DOCK5: variants seen among roughly 807,000 people sequenced by gnomAD.
DOCK5 encodes dedicator of cytokinesis 5.
DOCK5 carries 142 observed loss-of-function variants against 251.8 expected under a neutral mutation model. The ratio of observed to expected loss-of-function variants is 0.56; its 90% confidence interval spans 0.49 to 0.65. The LOEUF (loss-of-function observed/expected upper bound fraction) is 0.65, where lower values mean the gene tolerates loss of function less well. DOCK5 is among the 30% of genes least tolerant of loss of function. The pLI is 0.00. For missense variants in DOCK5, 2,111 were observed against 2,312.3 expected (o/e 0.91, Z 1.79); for synonymous variants, 842 against 835.5 (o/e 1.01, Z -0.13).
chr8:25,254,883 A>G (rs1803379326), intron 2 of DOCK5, among the ~76,000 whole-genome samples: 1 of 151,950 alleles, frequency 6.6e-6, no homozygotes, highest in African/African-American at 2.4e-5. Flanking sequence ...CACTTAAAAC[A>G]TGGGCAAAGA....
chr8:25,355,747 G>T (rs1445188731), intron 27 of DOCK5, among the ~76,000 whole-genome samples: 1 of 152,002 alleles, frequency 6.6e-6, no homozygotes, highest in Non-Finnish European at 1.5e-5. Context: ...ACTGCACCCA[G>T]CCTCTAACCT....
chr8:25,244,419 T>C (rs1803041170), intron 2 of DOCK5, among the ~76,000 whole-genome samples: 1 of 152,202 alleles, frequency 6.6e-6, no homozygotes, highest in South Asian at 2.1e-4. Flanking sequence ...TCTTCCTCCA[T>C]ATATCCACAT....
chr8:25,234,984 G>A (rs1004436696), intron 1 of DOCK5, among the ~76,000 whole-genome samples: 6 of 152,126 alleles, frequency 3.9e-5, no homozygotes, highest in African/African-American at 1.4e-4. Context: ...GAGGATGTAG[G>A]TGTCACCATG....
At chr8:25,397,684 T>C (rs760649785) in intron 45 of DOCK5, among the ~76,000 whole-genome samples, 1 of 152,262 alleles carries the variant, frequency 6.6e-6, no homozygotes, top group Non-Finnish European at 1.5e-5. Flanking sequence ...CTAATCTTCA[T>C]GTATTTTTTC....
rs561845145 is a variant in DOCK5, at chr8:25,336,203, C to T, written c.2193-36C>T. 6.8e-5 allele frequency: 108 copies of T among 1,595,656 alleles called. 1 individual carries two copies. The South Asian group carries it at 1.1e-3, about 17-fold the overall frequency. On this transcript the variant is annotated intron_variant, in intron 21 of 51. Transcript: ENST00000276440. ...ACCCAAGCCTCAGAGTATCCTGTTG[C>T]TCATTGGCTTAATTTTTCTTTCTCA...
chr8:25,194,973 T>C (rs1326312408), intron 1 of DOCK5, among the ~76,000 whole-genome samples: 1 of 151,670 alleles, frequency 6.6e-6, no homozygotes. Flanking sequence ...CAGACTGGAG[T>C]GTAGTGGCGC....
At chr8:25,268,778 T>C in intron 2 of DOCK5, 67 bp from the exon 3 acceptor site, 1 of 1,340,556 alleles carries the variant, frequency 7.5e-7, no homozygotes, top group Non-Finnish European at 1.0e-6. Context: ...TGAGAGTATA[T>C]ATTGCTAATA....
chr8:25,342,875 A>G (rs1163068944), intron 25 of DOCK5, among the ~76,000 whole-genome samples: 2 of 143,110 alleles, frequency 1.4e-5, no homozygotes, highest in Admixed American at 6.9e-5. Context: ...ATTTTTTTTT[A>G]TTTTTATTTT....
At chr8:25,248,358 C>T (rs1186709753) in intron 2 of DOCK5, among the ~76,000 whole-genome samples, 1 of 152,020 alleles carries the variant, frequency 6.6e-6, no homozygotes, top group East Asian at 1.9e-4. Context: ...TGTCTTCTAC[C>T]CCTCTTCTCC....
chr8:25,239,047 G>C (rs959248052), intron 1 of DOCK5, among the ~76,000 whole-genome samples: 2 of 152,198 alleles, frequency 1.3e-5, no homozygotes, highest in African/African-American at 2.4e-5. Context: ...AGGTAATCGG[G>C]AGCTAGTAGC....
intron 2 of DOCK5, among the ~76,000 whole-genome samples, chr8:25,256,035 A>C (rs565894496): frequency 6.6e-6 from 1 of 152,318 alleles, no homozygotes; most frequent in South Asian, 2.1e-4. Flanking sequence ...TGAAAACTTC[A>C]CTTCTCTTCC....
intron 16 of DOCK5, 83 bp from the exon 17 acceptor site, chr8:25,323,765 C>T (rs559464998): frequency 1.4e-5 from 21 of 1,472,680 alleles, no homozygotes; most frequent in African/African-American, 2.8e-5. Context: ...GCTGCACCCC[C>T]GAGCAAAATG....
intron 22 of DOCK5, among the ~76,000 whole-genome samples, chr8:25,338,109 T>C (rs1805860597): frequency 6.6e-6 from 1 of 151,590 alleles, no homozygotes. Flanking sequence ...AGTGGCATGA[T>C]GTTGGGTCAC....
In DOCK5 at chr8:25,298,967, G is replaced by A; in HGVS notation, c.630G>A (p.Leu210=). ...AGTCAATCCTGCAGAACCTCGATTTGCGGGGCCAGTCCATCTTCAGTACCA... is the reference window on the plus strand; with the variant it reads ...AGTCAATCCTGCAGAACCTCGATTTACGGGGCCAGTCCATCTTCAGTACCA... ...EEKSILQNLD[L]RGQSIFSTIH... Residue 210 remains leucine, a synonymous_variant, in exon 8 of 52, where the codon TTG becomes TTA. Coordinates refer to ENST00000276440, the MANE Select transcript of DOCK5 (RefSeq NM_024940.8). 1.2e-6 allele frequency: 2 copies of A among 1,612,368 alleles called. No homozygotes were observed. Among genetic ancestry groups the A allele is most frequent in the Non-Finnish European group, 1.7e-6 (2 of 1,179,330 alleles).
intron 47 of DOCK5, among the ~76,000 whole-genome samples, chr8:25,401,553 T>G (rs1292973842): frequency 3.9e-5 from 6 of 152,062 alleles, no homozygotes; most frequent in African/African-American, 1.2e-4. Context: ...GCCAACATGG[T>G]GAAACACCAT....
chr8:25,297,187 C>T (rs558901478), intron 7 of DOCK5, among the ~76,000 whole-genome samples: 20 of 151,688 alleles, frequency 1.3e-4, no homozygotes, highest in African/African-American at 1.5e-4. Context: ...CTCTGCTTCC[C>T]GGGTTCAAGC....
chr8:25,374,551 C>T lies in DOCK5; in HGVS notation c.3726-13C>T, dbSNP rs746239901. 1 of 1,591,964 alleles carries T rather than the reference C, an allele frequency of 6.3e-7. No individual in the cohort carries two copies. The highest frequency in any genetic ancestry group is 1.1e-5 in the South Asian group (1 of 88,428). On this transcript the variant is annotated splice_polypyrimidine_tract_variant and intron_variant, in intron 36 of 51. Coordinates refer to ENST00000276440, the MANE Select transcript of DOCK5 (RefSeq NM_024940.8). ...TCGAGTGACAAAATGCTTCCTTCTCCCCTTCTTGCCAGATATCTGTACAAG... is the reference window on the plus strand; with the variant it reads ...TCGAGTGACAAAATGCTTCCTTCTCTCCTTCTTGCCAGATATCTGTACAAG...
At chr8:25,230,352 G>C (rs1006325948) in intron 1 of DOCK5, among the ~76,000 whole-genome samples, 47 of 152,244 alleles carry the variant, frequency 3.1e-4, no homozygotes, top group Middle Eastern at 6.8e-3. Context: ...TTGCAACCTG[G>C]GTTGGAGGAA....
rs1414412892 is a variant in DOCK5, at chr8:25,246,704, T to TCGTGTG, written c.127+2947_127+2948insCGTGTG. On this transcript the variant is annotated intron_variant, in intron 2 of 51. Transcript: ENST00000276440. Reference sequence around the variant, plus strand: ...GGTAATTCTTCACTGCCATGTTAGTTTGTGTGTGTGTGTGTGTGTGTGTGT... The same window carrying TCGTGTG: ...GGTAATTCTTCACTGCCATGTTAGTTCGTGTGTGTGTGTGTGTGTGTGTGTGTGTGT... Among the ~76,000 whole-genome samples, 105 of 89,604 alleles carry TCGTGTG rather than the reference T, an allele frequency of 1.2e-3. 4 individuals are homozygous for TCGTGTG. The highest frequency in any genetic ancestry group is 4.1e-3 in the African/African-American group (103 of 25,260). 58.8% of individuals were successfully genotyped at this position (89,604 alleles called of 152,430 possible).
Sources: allele counts gnomAD v4.1 joint callset (sites outside exome capture counted in the v4.1 genomes callset), GRCh38; gene constraint gnomAD v4.1.1; transcripts MANE v1.5; gene names NCBI Gene and HGNC (gene_info 2026-07-23, HGNC 2026-07-21).